CACNA1E: variants seen among roughly 807,000 people sequenced by gnomAD.
CACNA1E encodes calcium voltage-gated channel subunit alpha1 E, also known as voltage-dependent R-type calcium channel subunit alpha-1E.
Under a neutral mutation model 259.2 loss-of-function variants are expected in CACNA1E, and 40 were observed. The observed-to-expected ratio is 0.15, with a 90% CI of 0.12 to 0.20. The LOEUF (loss-of-function observed/expected upper bound fraction) is 0.20, where lower values mean the gene tolerates loss of function less well. CACNA1E is among the 10% of genes least tolerant of loss of function. The pLI is 1.00. For synonymous variants in CACNA1E, 1,104 were observed against 1,138.5 expected (o/e 0.97, Z 0.61); for missense variants, 1,874 against 3,040.1 (o/e 0.62, Z 9.02).
chr1:181,404,702 C>T (rs1487079268), intron 1 of CACNA1E, among the ~76,000 whole-genome samples: 2 of 152,174 alleles, frequency 1.3e-5, no homozygotes, highest in African/African-American at 4.8e-5. Flanking sequence ...CAAGATCTTC[C>T]CACTCATTGT....
intron 6 of CACNA1E, among the ~76,000 whole-genome samples, chr1:181,597,313 T>C (rs1427079773): frequency 6.6e-6 from 1 of 152,180 alleles, no homozygotes; most frequent in East Asian, 1.9e-4. Flanking sequence ...TCCCTTATTA[T>C]TGTCAAAGTC....
At chr1:181,508,383 G>A (rs756611104) in intron 1 of CACNA1E, among the ~76,000 whole-genome samples, 1 of 152,154 alleles carries the variant, frequency 6.6e-6, no homozygotes, top group East Asian at 1.9e-4. Context: ...ACTTGTATGC[G>A]TGTTGCCAGT....
At chr1:181,387,263 C>T (rs1022765184) in intron 1 of CACNA1E, among the ~76,000 whole-genome samples, 5 of 152,192 alleles carry the variant, frequency 3.3e-5, no homozygotes, top group Non-Finnish European at 5.9e-5. Context: ...ACCCTGAACA[C>T]TTGGGCTGCT....
chr1:181,779,342 C>T (rs148282519), intron 38 of CACNA1E: 124 of 270,774 alleles, frequency 4.6e-4, no homozygotes, highest in Admixed American at 2.6e-3. Context: ...AGGAAAGAAG[C>T]TGCTCTGACC....
At chr1:181,505,547 A>AT (rs1209873019) in intron 1 of CACNA1E, among the ~76,000 whole-genome samples, 3 of 151,396 alleles carry the variant, frequency 2.0e-5, no homozygotes, top group African/African-American at 4.9e-5. Context: ...AACATTTTGT[A>AT]TTTTTTTTAG....
rs1558070859 is a variant in CACNA1E at position 181,510,558 on chromosome 1, C to T, written c.348C>T (p.Asp116=). The change falls in exon 2 of 48, where the codon GAC becomes GAT. Residue 116 remains aspartate, a synonymous_variant. Coordinates refer to ENST00000367573, the MANE Select transcript of CACNA1E (RefSeq NM_001205293.3). The part of the protein sequence containing the change: ...LALEQHLPED[D]KTPMSRRLEK... ...TGGAGCAGCATCTTCCTGAGGATGA[C>T]AAGACCCCCATGTCCCGAAGACTGG... 2.2e-5 allele frequency: 35 copies of T among 1,612,494 alleles called. No individual in the cohort carries two copies. The highest frequency in any genetic ancestry group is 3.0e-5 in the Non-Finnish European group (35 of 1,178,506).
At chr1:181,670,000 A>C (rs1490850943) in intron 7 of CACNA1E, among the ~76,000 whole-genome samples, 1 of 152,176 alleles carries the variant, frequency 6.6e-6, no homozygotes, top group African/African-American at 2.4e-5. Flanking sequence ...TCCTACATTC[A>C]CTTCACTATA....
chr1:181,549,167 T>G (rs1173758431), intron 3 of CACNA1E, among the ~76,000 whole-genome samples: 6 of 152,174 alleles, frequency 3.9e-5, no homozygotes, highest in Non-Finnish European at 8.8e-5. Flanking sequence ...GGCGTCAGGA[T>G]GGGCAGAAAG....
intron 2 of CACNA1E, among the ~76,000 whole-genome samples, chr1:181,455,397 G>A (rs3856087): frequency 0.43 from 65,676 of 151,996 alleles, 15,866 homozygotes; most frequent in African/African-American, 0.67. Context: ...GTTTGGGGAG[G>A]CTTCCTCTTG....
intron 1 of CACNA1E, among the ~76,000 whole-genome samples, chr1:181,348,964 G>A (rs1311502768): frequency 6.6e-6 from 1 of 152,178 alleles, no homozygotes; most frequent in African/African-American, 2.4e-5. Flanking sequence ...GACCCAGCGT[G>A]AAACTCCCTA....
At chr1:181,568,584 G>GTTCATTCA (rs139859676) in intron 3 of CACNA1E, among the ~76,000 whole-genome samples, 13 of 151,640 alleles carry the variant, frequency 8.6e-5, no homozygotes, top group East Asian at 1.9e-4. Flanking sequence ...CTTCAGATCT[G>GTTCATTCA]TTCATTCATT....
intron 3 of CACNA1E, among the ~76,000 whole-genome samples, chr1:181,534,535 G>C (rs1489747037): frequency 6.6e-6 from 1 of 152,030 alleles, no homozygotes; most frequent in African/African-American, 2.4e-5. Context: ...TTGAAATAAA[G>C]ACTATGTATT....
chr1:181,347,838 G>C (rs1652723895), intron 1 of CACNA1E, among the ~76,000 whole-genome samples: 1 of 152,256 alleles, frequency 6.6e-6, no homozygotes, highest in Non-Finnish European at 1.5e-5. Flanking sequence ...CTTCTGGTGA[G>C]AAGTGCTCTA....
At chr1:181,769,884 G>GTTAA (rs1384262963) in intron 35 of CACNA1E, among the ~76,000 whole-genome samples, 4 of 152,204 alleles carry the variant, frequency 2.6e-5, no homozygotes, top group African/African-American at 9.6e-5. Flanking sequence ...GGTATCCAGA[G>GTTAA]TTAATTAGAT....
rs142232137 is a variant in CACNA1E at position 181,718,421 on chromosome 1, T to A, written c.1638+254T>A. 3.2e-3 allele frequency among the ~76,000 whole-genome samples: 491 copies of A among 152,290 alleles called. 2 individuals are homozygous for A. Among genetic ancestry groups the A allele is most frequent in the African/African-American group, 0.011 (452 of 41,554 alleles). On this transcript the variant is annotated intron_variant, in intron 12 of 47. Transcript: ENST00000367573. Reference sequence around the variant, plus strand: ...ATACATTATAGAGGGTACACTTAAGTGTATAGCTCCGTGAGAGTTTACAAA... The same window carrying A: ...ATACATTATAGAGGGTACACTTAAGAGTATAGCTCCGTGAGAGTTTACAAA...
At chr1:181,456,820 T>C (rs1661489993) in intron 2 of CACNA1E, among the ~76,000 whole-genome samples, 1 of 152,294 alleles carries the variant, frequency 6.6e-6, no homozygotes. Flanking sequence ...TTACCTGCAG[T>C]GTTAGCTGTG....
At chr1:181,341,059 G>A (rs1442729691) in intron 1 of CACNA1E, among the ~76,000 whole-genome samples, 1 of 152,130 alleles carries the variant, frequency 6.6e-6, no homozygotes, top group African/African-American at 2.4e-5. Flanking sequence ...GAAGAACTCA[G>A]GCCTCTTACC....
At chr1:181,705,636 C>T (rs1360891792) in intron 7 of CACNA1E, among the ~76,000 whole-genome samples, 2 of 152,188 alleles carry the variant, frequency 1.3e-5, no homozygotes, top group Non-Finnish European at 2.9e-5. Flanking sequence ...TCAGAGGAGC[C>T]AGGTTTGGGG....
intron 7 of CACNA1E, among the ~76,000 whole-genome samples, chr1:181,689,469 A>G (rs1358976156): frequency 5.3e-5 from 8 of 152,210 alleles, no homozygotes; most frequent in African/African-American, 1.7e-4. Context: ...TAGTAGAATG[A>G]TTTATAATCC....
Sources: gnomAD v4.1 joint callset for allele counts (sites outside exome capture counted in the v4.1 genomes callset) on GRCh38, gnomAD v4.1.1 for gene constraint, MANE v1.5 for transcripts, NCBI Gene and HGNC (gene_info 2026-07-23, HGNC 2026-07-21) for gene names.